Variants in PRKG1 observed in about 807,000 individuals in gnomAD.
PRKG1 encodes protein kinase cGMP-dependent 1, also known as cGMP-dependent protein kinase 1.
A neutral mutation model predicts 88.1 loss-of-function variants in PRKG1; 35 were observed. The ratio of observed to expected loss-of-function variants is 0.40; its 90% CI spans 0.30 to 0.53. The LOEUF is 0.53. PRKG1 is among the 20% of genes least tolerant of loss of function. The probability of loss-of-function intolerance (pLI) is 0.59; values close to 1 mark genes in which losing one functional copy is unlikely to be tolerated. For missense variants in PRKG1, 540 were observed against 839.8 expected (o/e 0.64, Z 4.41); for synonymous variants, 303 against 292.5 (o/e 1.04, Z -0.37).
chr10:51,072,134 G>T (rs1589132502), upstream of PRKG1, among the ~76,000 whole-genome samples: 1 of 152,146 alleles, frequency 6.6e-6, no homozygotes, highest in East Asian at 1.9e-4. Context: ...GGCGGAGGTT[G>T]CAGGGAGCTG....
At chr10:51,072,254 C>T (rs1843843064), upstream of PRKG1, among the ~76,000 whole-genome samples, 1 of 152,014 alleles carries the variant, frequency 6.6e-6, no homozygotes, top group Admixed American at 6.6e-5. Flanking sequence ...GAATTCTGAA[C>T]CCAGCTTAGC....
chr10:51,793,771 T>C (rs1346666287), intron 3 of PRKG1, among the ~76,000 whole-genome samples: 3 of 152,140 alleles, frequency 2.0e-5, no homozygotes, highest in Non-Finnish European at 4.4e-5. Flanking sequence ...AAATACATTT[T>C]TGTTTTTTGA....
chr10:52,026,227 G>A (rs1258458452), intron 5 of PRKG1, among the ~76,000 whole-genome samples: 1 of 152,160 alleles, frequency 6.6e-6, no homozygotes, highest in East Asian at 1.9e-4. Flanking sequence ...ATGGGTTAGG[G>A]ATAATGTTCT....
intron 9 of PRKG1, among the ~76,000 whole-genome samples, chr10:52,165,665 T>C (rs1160167628): frequency 2.0e-5 from 3 of 152,184 alleles, no homozygotes; most frequent in Non-Finnish European, 4.4e-5. Context: ...ATGATTATGT[T>C]AGTTATCCAT....
At chr10:52,111,842 T>G (rs774684176) in intron 7 of PRKG1, among the ~76,000 whole-genome samples, 1 of 152,222 alleles carries the variant, frequency 6.6e-6, no homozygotes, top group African/African-American at 2.4e-5. Context: ...GTTTATCATC[T>G]CATTGAATTC....
At chr10:51,843,196 A>G (rs989828895) in intron 4 of PRKG1, among the ~76,000 whole-genome samples, 10 of 149,036 alleles carry the variant, frequency 6.7e-5, no homozygotes, top group Non-Finnish European at 1.5e-4. Context: ...TCCTGGGTTC[A>G]AGTGAGAAAA....
intron 2 of PRKG1, among the ~76,000 whole-genome samples, chr10:51,397,519 CTG>C (rs1837612495): frequency 6.6e-6 from 1 of 152,094 alleles, no homozygotes; most frequent in Non-Finnish European, 1.5e-5. Context: ...CTTTGACTTG[CTG>C]TGGTTTAGAG....
intron 1 of PRKG1, among the ~76,000 whole-genome samples, chr10:51,115,987 A>C (rs1047215507): frequency 1.3e-5 from 2 of 152,164 alleles, no homozygotes; most frequent in African/African-American, 4.8e-5. Context: ...GAGTACATGT[A>C]TAGGCTGGGC....
Position 52,249,131 on chromosome 10 carries a change from T to G in PRKG1, c.1077-2439T>G, listed in dbSNP as rs1270726013. Among the ~76,000 whole-genome samples, 3 of 145,384 alleles carry G rather than the reference T, an allele frequency of 2.1e-5. No homozygotes were observed. In the East Asian group the frequency reaches 6.2e-4, roughly 30 times the overall value. ...TTTCTTTCTCTTTCTCTGTCTTTTC[T>G]AAGCTGTGTTGGCTATTTCAGAACT... On this transcript the variant is annotated intron_variant, in intron 9 of 17. Coordinates refer to ENST00000373980, the MANE Select transcript of PRKG1 (RefSeq NM_006258.4).
intron 2 of PRKG1, among the ~76,000 whole-genome samples, chr10:51,446,892 TGA>T (rs1839288816): frequency 6.6e-6 from 1 of 152,044 alleles, no homozygotes; most frequent in Non-Finnish European, 1.5e-5. Context: ...ATTTCTCATC[TGA>T]GAGACAAACC....
At chr10:51,578,898 G>T (rs1032632902) in intron 3 of PRKG1, among the ~76,000 whole-genome samples, 3 of 145,290 alleles carry the variant, frequency 2.1e-5, no homozygotes, top group South Asian at 2.2e-4. Context: ...AATCAGTTTT[G>T]TGTTGTGAAC....
intron 2 of PRKG1, among the ~76,000 whole-genome samples, chr10:51,284,865 C>CTTTTTTTTTTTTTTTTTTTTTTTTTTT (rs5784867): frequency 1.9e-5 from 1 of 51,698 alleles, no homozygotes; most frequent in Non-Finnish European, 3.6e-5. Flanking sequence ...GTTGTGGGTA[C>CTTTTTTTTTTTTTTTTTTTTTTTTTTT]TTTTTTTTTT....
At chr10:51,216,407 C>A (rs1279970336) in intron 2 of PRKG1, among the ~76,000 whole-genome samples, 1 of 152,190 alleles carries the variant, frequency 6.6e-6, no homozygotes, top group African/African-American at 2.4e-5. Flanking sequence ...TGTTTGGACT[C>A]CGGAGCCAGA....
intron 3 of PRKG1, among the ~76,000 whole-genome samples, chr10:51,529,409 GCT>G (rs1183771437): frequency 6.6e-6 from 1 of 152,012 alleles, no homozygotes; most frequent in Non-Finnish European, 1.5e-5. Context: ...TTATCATCAG[GCT>G]CATATGGAAA....
chr10:52,031,306 A>G (rs1250904523), intron 5 of PRKG1, among the ~76,000 whole-genome samples: 4 of 152,206 alleles, frequency 2.6e-5, no homozygotes, highest in East Asian at 3.8e-4. Flanking sequence ...TCAGGGAATA[A>G]TATAATTCAC....
At chr10:51,518,905 A>C (rs1013183267) in intron 3 of PRKG1, among the ~76,000 whole-genome samples, 1 of 152,200 alleles carries the variant, frequency 6.6e-6, no homozygotes, top group African/African-American at 2.4e-5. Flanking sequence ...ATTCTTAGCT[A>C]TAAGGATTTG....
At chr10:51,993,731 T>C (rs893768074) in intron 5 of PRKG1, among the ~76,000 whole-genome samples, 1 of 152,358 alleles carries the variant, frequency 6.6e-6, no homozygotes, top group African/African-American at 2.4e-5. Context: ...TAGAAGGTTA[T>C]AAGCATCCTC....
intron 1 of PRKG1, among the ~76,000 whole-genome samples, chr10:51,096,819 G>C (rs1319387494): frequency 1.3e-5 from 2 of 152,142 alleles, no homozygotes; most frequent in African/African-American, 4.8e-5. Flanking sequence ...CTTTCAACTG[G>C]GAAAGACTGC....
At chr10:51,521,103 A>T (rs1252933073) in intron 3 of PRKG1, among the ~76,000 whole-genome samples, 1 of 152,226 alleles carries the variant, frequency 6.6e-6, no homozygotes, top group African/African-American at 2.4e-5. Context: ...CCTGGCCAAC[A>T]TGGGGAAACC....
Sources: gnomAD v4.1 joint callset for allele counts (sites outside exome capture counted in the v4.1 genomes callset) on GRCh38, gnomAD v4.1.1 for gene constraint, MANE v1.5 for transcripts, NCBI Gene and HGNC (gene_info 2026-07-23, HGNC 2026-07-21) for gene names.